The following RHBDL2 variants were observed in gnomAD, a reference collection of about 807,000 sequenced individuals.
RHBDL2 encodes rhomboid-related protein 2.
In RHBDL2, 26 loss-of-function variants were observed where a neutral mutation model predicts 31.7. The observed-to-expected ratio is 0.82, with a 90% CI of 0.60 to 1.14. RHBDL2 has a LOEUF of 1.14. Among genes scored for constraint, RHBDL2 ranks in the 50% most tolerant of loss-of-function variants. The pLI is 0.00. For synonymous variants in RHBDL2, 123 were observed against 127.2 expected (o/e 0.97, Z 0.22); for missense variants, 336 against 364.4 (o/e 0.92, Z 0.63).
chr1:38,923,487 T>G (rs981224486), intron 1 of RHBDL2, among the ~76,000 whole-genome samples: 1 of 152,080 alleles, frequency 6.6e-6, no homozygotes, highest in African/African-American at 2.4e-5. Context: ...ACAAAGCAAA[T>G]CTAATCGAAG....
intron 1 of RHBDL2, chr1:38,929,687 GC>G: frequency 1.5e-6 from 1 of 645,260 alleles, no homozygotes; most frequent in Non-Finnish European, 1.9e-6. Context: ...AGCTGGGGCT[GC>G]CAGGGAGACT....
rs1643562481 is a variant in RHBDL2, at chr1:38,941,718, C to G, written c.-162G>C. Reference sequence around the variant, plus strand: ...AAGGTAGGGGCGTCCCAGCCCACGCCCTCCGGTCCTTGCGTTCCAGGCTTC... The same window carrying G: ...AAGGTAGGGGCGTCCCAGCCCACGCGCTCCGGTCCTTGCGTTCCAGGCTTC... On this transcript the variant is annotated 5_prime_UTR_variant, in exon 1 of 8. Coordinates refer to ENST00000372990, the MANE Select transcript of RHBDL2 (RefSeq NM_017821.5). 6.6e-6 allele frequency: 1 copy of G among 152,548 alleles called. No homozygotes were observed. Among genetic ancestry groups the G allele is most frequent in the African/African-American group, 2.4e-5 (1 of 41,456 alleles). 9.4% of individuals were successfully genotyped at this position (152,548 alleles called of 1,614,324 possible).
intron 6 of RHBDL2, 102 bp downstream of exon 6, chr1:38,893,062 C>A (rs1642874119): frequency 4.4e-6 from 3 of 679,142 alleles, no homozygotes; most frequent in Middle Eastern, 6.8e-4. Flanking sequence ...GTGTGTATGC[C>A]CCAAATTGCA....
intron 1 of RHBDL2, among the ~76,000 whole-genome samples, chr1:38,920,607 CTTT>C (rs547790628): frequency 6.2e-5 from 8 of 129,038 alleles, no homozygotes; most frequent in Admixed American, 7.9e-5. Context: ...CAAGTTTTCT[CTTT>C]TTTTTTTTTT....
chr1:38,923,820 T>G (rs1643342791), intron 1 of RHBDL2, among the ~76,000 whole-genome samples: 1 of 152,206 alleles, frequency 6.6e-6, no homozygotes, highest in Non-Finnish European at 1.5e-5. Context: ...CTCCTACCTC[T>G]TATCTGCAGC....
intron 1 of RHBDL2, among the ~76,000 whole-genome samples, chr1:38,934,320 C>A (rs1221779138): frequency 6.6e-6 from 1 of 151,526 alleles, no homozygotes; most frequent in African/African-American, 2.4e-5. Flanking sequence ...TGCACTCCAG[C>A]CTGGATGACA....
intron 3 of RHBDL2, among the ~76,000 whole-genome samples, chr1:38,914,635 A>G (rs4272587): frequency 0.37 from 56,317 of 151,998 alleles, 11,642 homozygotes; most frequent in Non-Finnish European, 0.47. Flanking sequence ...ATTTAACAAC[A>G]TTAGACAACT....
intron 1 of RHBDL2, among the ~76,000 whole-genome samples, chr1:38,930,090 C>T (rs1454645292): frequency 2.0e-5 from 3 of 152,178 alleles, no homozygotes; most frequent in Non-Finnish European, 4.4e-5. Flanking sequence ...TGAGCTCTCT[C>T]CATGGTCCAC....
intron 4 of RHBDL2, among the ~76,000 whole-genome samples, chr1:38,899,662 C>G (rs1245893657): frequency 5.3e-5 from 8 of 152,186 alleles, no homozygotes; most frequent in African/African-American, 1.9e-4. Flanking sequence ...ACAAATGAAC[C>G]AATGTGTTTT....
At chr1:38,923,515 T>G (rs1643339981) in intron 1 of RHBDL2, among the ~76,000 whole-genome samples, 1 of 152,204 alleles carries the variant, frequency 6.6e-6, no homozygotes, top group South Asian at 2.1e-4. Flanking sequence ...TGTCATTAAT[T>G]TTGTCCTTCC....
At chr1:38,917,951 G>T (rs1305534623) in intron 2 of RHBDL2, among the ~76,000 whole-genome samples, 2 of 152,126 alleles carry the variant, frequency 1.3e-5, no homozygotes, top group Non-Finnish European at 2.9e-5. Context: ...CTGTGGGTGA[G>T]CCTTGTCTAA....
rs199982712 is a variant in RHBDL2, at chr1:38,886,444, C to CT, written c.*59dup. The CT allele has an allele frequency of 9.4e-3, 9,799 of 1,046,150 alleles. 8 individuals are homozygous for CT. Among genetic ancestry groups the CT allele is most frequent in the East Asian group, 0.037 (1,221 of 32,714 alleles). The allele number at this position is 1,046,150 out of a possible 1,614,324, so 64.8% of individuals were successfully genotyped here. A position where few individuals can be genotyped will look rare whatever the true frequency, so the allele number is the denominator to read the frequency against. ...TTCTCTGTTTCTTCATAGAGTCTTC[C>CT]TTTTTTTTTTATTTCCTCCAGATGG... On this transcript the variant is annotated 3_prime_UTR_variant, in exon 8 of 8. Transcript: ENST00000372990.
At chr1:38,917,776 C>A (rs1295970545) in intron 2 of RHBDL2, among the ~76,000 whole-genome samples, 1 of 152,180 alleles carries the variant, frequency 6.6e-6, no homozygotes, top group Non-Finnish European at 1.5e-5. Context: ...TTTGTCTGAG[C>A]CATAAGAGGC....
At chr1:38,927,213 G>T (rs1432323713) in intron 1 of RHBDL2, among the ~76,000 whole-genome samples, 2 of 152,122 alleles carry the variant, frequency 1.3e-5, no homozygotes, top group African/African-American at 4.8e-5. Flanking sequence ...GGATCACAAG[G>T]TCAGGAGATC....
intron 6 of RHBDL2, among the ~76,000 whole-genome samples, chr1:38,891,023 C>T (rs1382755730): frequency 6.6e-6 from 1 of 152,002 alleles, no homozygotes; most frequent in Non-Finnish European, 1.5e-5. Context: ...AATCTCATCA[C>T]TTTGGGAGGC....
At position 38,894,115 on chromosome 1, in the gene RHBDL2, A is replaced by T. The variant is rs150572338; in HGVS notation, c.610-891T>A. 4.7e-4 allele frequency among the ~76,000 whole-genome samples: 72 copies of T among 152,346 alleles called. 1 individual carries two copies. The East Asian group carries it at 9.2e-3, about 20-fold the overall frequency. On this transcript the variant is annotated intron_variant, in intron 5 of 7. Transcript: ENST00000372990. ...CATGACCTACAGTAAGAAATAATTT[A>T]CATAACAACCCAGTACACGCATAAA...
chr1:38,918,360 A>G (rs1643265805), intron 2 of RHBDL2, among the ~76,000 whole-genome samples: 2 of 152,132 alleles, frequency 1.3e-5, no homozygotes, highest in Admixed American at 6.6e-5. Context: ...TGTGGGGGAA[A>G]AAACTAGGTG....
chr1:38,921,126 G>T (rs1643308928), intron 1 of RHBDL2, among the ~76,000 whole-genome samples: 1 of 152,170 alleles, frequency 6.6e-6, no homozygotes, highest in African/African-American at 2.4e-5. Context: ...AACAGTATCT[G>T]GGCCGGGCGT....
At chr1:38,915,894 C>T (rs1643229465) in intron 2 of RHBDL2, among the ~76,000 whole-genome samples, 184 bp from the exon 3 acceptor site, 4 of 152,198 alleles carry the variant, frequency 2.6e-5, no homozygotes, top group Non-Finnish European at 5.9e-5. Context: ...CCGTACCCCA[C>T]TTCCTCTGAT....
Sources: gnomAD v4.1 joint callset for allele counts (sites outside exome capture counted in the v4.1 genomes callset) on GRCh38, gnomAD v4.1.1 for gene constraint, MANE v1.5 for transcripts, NCBI Gene and HGNC (gene_info 2026-07-23, HGNC 2026-07-21) for gene names.